The following BRAT1 variants were observed in gnomAD, a reference collection of about 807,000 sequenced individuals.
BRAT1 encodes the protein BRCA1 associated ATM activator 1.
A neutral mutation model predicts 70.6 loss-of-function variants in BRAT1; 74 were observed. That is an observed-to-expected ratio of 1.05 (90% CI 0.87 to 1.27). BRAT1 has a LOEUF of 1.27. Among genes scored for constraint, BRAT1 ranks in the 50% most tolerant of loss-of-function variants. The pLI, the probability that BRAT1 is intolerant of heterozygous loss-of-function variation, is 0.00. For synonymous variants in BRAT1, 615 were observed against 517.1 expected (o/e 1.19, Z -2.57); for missense variants, 1,203 against 1,098.2 (o/e 1.10, Z -1.35).
At position 2,538,459 on chromosome 7, in the gene BRAT1, C is replaced by T. The variant is rs779251772; in HGVS notation, c.2076G>A (p.Leu692=). Residue 692 remains leucine (L), a synonymous_variant, in exon 14 of 14, where the codon CTG becomes CTA. Coordinates refer to ENST00000340611, the MANE Select transcript of BRAT1 (RefSeq NM_152743.4). Reference sequence around the variant, plus strand: ...AGAGCCCCACGTGGCAGAGAGCCCTCAGTGCCTCGGTGAGTGGCTGGGCTG... The same window carrying T: ...AGAGCCCCACGTGGCAGAGAGCCCTTAGTGCCTCGGTGAGTGGCTGGGCTG... ...VAPAQPLTEA[L]RALCHVGLFD... is the part of the protein sequence containing the mutation. The T allele has an allele frequency of 6.2e-7, 1 of 1,613,020 alleles. No homozygotes were observed. The highest frequency in any genetic ancestry group is 1.3e-5 in the African/African-American group (1 of 75,058).
At chr7:2,540,233 T>C (rs1347405898) in intron 10 of BRAT1, 2 of 221,874 alleles carry the variant, frequency 9.0e-6, no homozygotes, top group East Asian at 2.0e-4. Flanking sequence ...CTGGGGCTAA[T>C]TTTTCTATTT....
rs781646381 is a variant in BRAT1, at chr7:2,543,724, C to A, written c.669G>T (p.Thr223=). The A allele has an allele frequency of 6.3e-7, 1 of 1,590,272 alleles. No homozygotes were observed. Among genetic ancestry groups the A allele is most frequent in the Non-Finnish European group, 8.6e-7 (1 of 1,163,254 alleles). The part of the protein sequence containing the change: ...KVTQALNVLT[T]TFGRCQSPWT... The stretch of plus-strand genomic sequence containing the variant: ...AGGGGCTCTGGCAGCGCCCGAAGGT[C>A]GTGGTCAGGACGTTCAGGGCCTGAG... The change falls in exon 5 of 14, where the codon ACG becomes ACT. Residue 223 remains threonine, a synonymous_variant. Coordinates refer to ENST00000340611, the MANE Select transcript of BRAT1 (RefSeq NM_152743.4). This position sits in a 1 kb window ranked among gnomAD's most constrained non-coding sequence, Gnocchi z 5.5.
At chr7:2,545,363 C>CA (rs1185029266) in intron 3 of BRAT1, among the ~76,000 whole-genome samples, 431 of 25,072 alleles carry the variant, frequency 0.017, 42 homozygotes, top group Non-Finnish European at 0.025. Flanking sequence ...GACTCCATCT[C>CA]AAAAAAAAAA....
chr7:2,544,897 G>A lies in BRAT1; in HGVS notation c.430+12C>T, dbSNP rs921167538. 3.9e-6 allele frequency: 6 copies of A among 1,548,672 alleles called. No homozygotes were observed. Among genetic ancestry groups the A allele is most frequent in the African/African-American group, 1.4e-5 (1 of 73,002 alleles). Reference sequence around the variant, plus strand: ...CAGGATGAGGAATGGGGTGGGGTGTGGGCGCACTCACCATGGTCGGCCAGG... The same window carrying A: ...CAGGATGAGGAATGGGGTGGGGTGTAGGCGCACTCACCATGGTCGGCCAGG... On this transcript the variant is annotated intron_variant, in intron 4 of 13. Transcript: ENST00000340611.
In BRAT1 at chr7:2,554,441, G is replaced by C; in HGVS notation, c.-10C>G. ...CGCATTCTGGGTCCATGGTGAGGCC[G>C]CAGGCCCTGCAAAGGCAATGTGAGA... On this transcript the variant is annotated 5_prime_UTR_variant, in exon 2 of 14. Transcript: ENST00000340611. 6.2e-7 allele frequency: 1 copy of C among 1,610,566 alleles called. No individual in the cohort carries two copies. The highest frequency in any genetic ancestry group is 8.5e-7 in the Non-Finnish European group (1 of 1,178,866).
chr7:2,539,501 C>T, intron 12 of BRAT1, 43 bp downstream of exon 12: 3 of 1,523,678 alleles, frequency 2.0e-6, no homozygotes, highest in Non-Finnish European at 2.7e-6. Flanking sequence ...CAGTGAGCCC[C>T]CCACAGGCGG....
rs1202057993 is a variant in BRAT1, at chr7:2,540,968, C to T, written c.1395+11G>A. ...CCCTCCTCTCCTCGCTCTCTATCCC[C>T]ACCACCGTACCGTGGGGCTGGAGCC... On this transcript the variant is annotated intron_variant, in intron 10 of 13. Transcript: ENST00000340611. 6.5e-7 allele frequency: 1 copy of T among 1,534,850 alleles called. No homozygotes were observed. The highest frequency in any genetic ancestry group is 8.7e-7 in the Non-Finnish European group (1 of 1,152,202).
At position 2,541,760 on chromosome 7, in the gene BRAT1, G is replaced by A. The variant is rs759480955; in HGVS notation, c.1092C>T (p.Leu364=). ...LLASKSSCAG[L]LCRTLAHLEE... is the part of the protein sequence containing the mutation. ...CCAGGTGAGCCAGGGTGCGGCACAG[G>A]AGGCCGGCGCAGGACGACTTGGAGG... The change falls in exon 8 of 14, where the codon CTC becomes CTT. Residue 364 remains leucine (L), a synonymous_variant. Transcript: ENST00000340611. 1.2e-6 allele frequency: 2 copies of A among 1,611,924 alleles called. No homozygotes were observed. Among genetic ancestry groups the A allele is most frequent in the African/African-American group, 1.3e-5 (1 of 74,902 alleles).
At chr7:2,551,961 G>GA (rs202073706) in intron 2 of BRAT1, among the ~76,000 whole-genome samples, 7 of 145,022 alleles carry the variant, frequency 4.8e-5, no homozygotes, top group African/African-American at 7.6e-5. Flanking sequence ...ACTTGTGGGT[G>GA]AAAAAAAAAT....
intron 2 of BRAT1, among the ~76,000 whole-genome samples, chr7:2,550,272 G>C (rs1028286091): frequency 1.3e-5 from 2 of 151,856 alleles, no homozygotes; most frequent in African/African-American, 4.8e-5. Flanking sequence ...TTTGAGACCA[G>C]CCTGGGCTAC....
chr7:2,550,775 C>A (rs1027384453), intron 2 of BRAT1, among the ~76,000 whole-genome samples: 1 of 152,006 alleles, frequency 6.6e-6, no homozygotes, highest in Non-Finnish European at 1.5e-5. Context: ...TTAGGGGGAA[C>A]AAAATTAGAT....
chr7:2,547,660 A>G (rs1313407217), intron 2 of BRAT1, among the ~76,000 whole-genome samples, 182 bp from the exon 3 acceptor site: 1 of 152,262 alleles, frequency 6.6e-6, no homozygotes, highest in African/African-American at 2.4e-5. Flanking sequence ...TAATTCAGTA[A>G]GGGCTAGAAA....
chr7:2,542,744 CT>C (rs1274234337), intron 6 of BRAT1: 1 of 176,382 alleles, frequency 5.7e-6, no homozygotes, highest in Admixed American at 5.6e-5. Flanking sequence ...ACTTCCACCC[CT>C]ATTGTGAGCC....
chr7:2,552,122 T>A (rs1279291556), intron 2 of BRAT1, among the ~76,000 whole-genome samples: 2 of 61,012 alleles, frequency 3.3e-5, no homozygotes, highest in Admixed American at 3.6e-4. Context: ...TTTTTTTTTT[T>A]TTTTTTTTTT....
intron 12 of BRAT1, 29 bp from the exon 13 acceptor site, chr7:2,539,380 G>A (rs781147145): frequency 1.3e-6 from 2 of 1,584,630 alleles, no homozygotes; most frequent in Non-Finnish European, 1.7e-6. Context: ...ACATGCAGCT[G>A]TGACTGAGGG....
intron 10 of BRAT1, chr7:2,540,534 A>G (rs1319569735): frequency 6.0e-6 from 1 of 165,822 alleles, no homozygotes; most frequent in East Asian, 1.7e-4. Flanking sequence ...GATCCCAAGA[A>G]GCCCTGGGCC....
intron 2 of BRAT1, among the ~76,000 whole-genome samples, chr7:2,549,116 T>C (rs1779818499): frequency 6.6e-6 from 1 of 152,308 alleles, no homozygotes; most frequent in Admixed American, 6.5e-5. Context: ...TCTGAGGTCC[T>C]TCGGTTGCCT....
Position 2,543,465 on chromosome 7 carries a change from C to G in BRAT1, c.803+125G>C. The G allele has an allele frequency of 6.8e-7, 1 of 1,480,150 alleles. No homozygotes were observed. Among genetic ancestry groups the G allele is most frequent in the South Asian group, 1.4e-5 (1 of 71,950 alleles). The allele number at this position is 1,480,150 out of a possible 1,614,324, so 91.7% of individuals were successfully genotyped here. On this transcript the variant is annotated intron_variant, in intron 5 of 13. Transcript: ENST00000340611. The surrounding 1 kb of genome is among the most constrained non-coding windows in gnomAD (Gnocchi z 5.5). ...CCCCATGAGGGTTCCAGGGTCACCC[C>G]GGTGCCGCTTCACTGCAGGCCATGT...
At position 2,539,556 on chromosome 7, in the gene BRAT1, T is replaced by C; in HGVS notation, c.1585A>G (p.Arg529Gly). 1.9e-6 allele frequency: 3 copies of C among 1,565,892 alleles called. No individual in the cohort carries two copies. The highest frequency in any genetic ancestry group is 2.6e-6 in the Non-Finnish European group (3 of 1,154,470). The change falls in exon 12 of 14, where the codon AGG becomes GGG. Residue 529 changes from arginine (R) to glycine (G), a missense_variant. Physicochemically the swap from Arg to Gly is moderately radical, Grantham distance 125. Coordinates refer to ENST00000340611, the MANE Select transcript of BRAT1 (RefSeq NM_152743.4). ...SALEFLTQLSRHWGGQADFRC... is the reference protein window; with the variant it reads ...SALEFLTQLSGHWGGQADFRC... ...TGCCAGCACTCACCTCCCCAGTGCCTGCTCAGCTGGGTCAGGAACTCGAGG... is the reference window on the plus strand; with the variant it reads ...TGCCAGCACTCACCTCCCCAGTGCCCGCTCAGCTGGGTCAGGAACTCGAGG...
Sources: allele counts gnomAD v4.1 joint callset (sites outside exome capture counted in the v4.1 genomes callset), GRCh38; gene constraint gnomAD v4.1.1; non-coding constraint Gnocchi (gnomAD v3.1); transcripts MANE v1.5; gene names NCBI Gene and HGNC (gene_info 2026-07-23, HGNC 2026-07-21).